The following FMN1 variants were observed in gnomAD, a reference collection of about 807,000 sequenced individuals.
FMN1 encodes formin 1, also known as formin-1.
FMN1 carries 110 observed loss-of-function variants against 132.4 expected under a neutral mutation model. That is an observed-to-expected ratio of 0.83 (90% CI 0.71 to 0.97). FMN1 has a LOEUF of 0.97. Ranked by LOEUF, FMN1 falls within the 50% of genes least tolerant of loss-of-function variation. The pLI is 0.00. For synonymous variants in FMN1, 722 were observed against 651.7 expected (o/e 1.11, Z -1.64); for missense variants, 1,792 against 1,705.3 (o/e 1.05, Z -0.90).
At chr15:32,974,560 T>A (rs1463504661) in intron 7 of FMN1, among the ~76,000 whole-genome samples, 1 of 152,146 alleles carries the variant, frequency 6.6e-6, no homozygotes, top group Non-Finnish European at 1.5e-5. Flanking sequence ...CTGCTCCCAT[T>A]AGAATCACCT....
intron 7 of FMN1, among the ~76,000 whole-genome samples, chr15:33,005,896 T>TC (rs560633010): frequency 1.3e-5 from 2 of 152,172 alleles, no homozygotes; most frequent in Non-Finnish European, 2.9e-5. Flanking sequence ...GATAAGGGCC[T>TC]CCCTCCTCTC....
chr15:33,078,242 C>G (rs1192812052), intron 5 of FMN1, among the ~76,000 whole-genome samples: 1 of 152,172 alleles, frequency 6.6e-6, no homozygotes, highest in African/African-American at 2.4e-5. Flanking sequence ...TGCTAATATT[C>G]TTAACCAAGT....
chr15:32,777,338 G>C (rs2056450959), intron 19 of FMN1, among the ~76,000 whole-genome samples: 2 of 151,630 alleles, frequency 1.3e-5, no homozygotes, highest in Admixed American at 1.3e-4. Flanking sequence ...CATCAATTAA[G>C]ATGTGATAAC....
At chr15:32,988,403 C>T (rs2033218603) in intron 7 of FMN1, among the ~76,000 whole-genome samples, 1 of 152,132 alleles carries the variant, frequency 6.6e-6, no homozygotes, top group Admixed American at 6.5e-5. Flanking sequence ...ACATTCGTAA[C>T]AGAAGCGTGT....
At chr15:32,948,377 G>A (rs917341243) in intron 9 of FMN1, among the ~76,000 whole-genome samples, 28 of 151,790 alleles carry the variant, frequency 1.8e-4, no homozygotes, top group African/African-American at 5.3e-4. Context: ...TTGTCCTGTA[G>A]TTTCTTTTAC....
chr15:33,112,422 TTTAA>T (rs1410494737), intron 4 of FMN1, among the ~76,000 whole-genome samples: 1 of 152,178 alleles, frequency 6.6e-6, no homozygotes, highest in Non-Finnish European at 1.5e-5. Flanking sequence ...ACATAATTCT[TTTAA>T]TTAAGAAAAG....
chr15:33,030,457 GT>G (rs2035884895), intron 6 of FMN1, among the ~76,000 whole-genome samples: 1 of 152,222 alleles, frequency 6.6e-6, no homozygotes, highest in South Asian at 2.1e-4. Flanking sequence ...ACTTACTGAA[GT>G]TTTGTGTTAA....
At chr15:33,080,510 T>A (rs1045892308) in intron 5 of FMN1, among the ~76,000 whole-genome samples, 17 of 152,332 alleles carry the variant, frequency 1.1e-4, no homozygotes, top group African/African-American at 4.1e-4. Context: ...CCCAGAACTT[T>A]GTGAGGCCAA....
chr15:32,943,448 G>A (rs1425810750), intron 9 of FMN1, among the ~76,000 whole-genome samples: 1 of 152,208 alleles, frequency 6.6e-6, no homozygotes, highest in Non-Finnish European at 1.5e-5. Flanking sequence ...AGGCTGGTTG[G>A]TAAAAAGTAG....
chr15:33,080,213 G>T (rs563759700), intron 5 of FMN1, among the ~76,000 whole-genome samples: 1 of 152,082 alleles, frequency 6.6e-6, no homozygotes, highest in Non-Finnish European at 1.5e-5. Flanking sequence ...ACAAAAATGC[G>T]GCCCTCTCCA....
chr15:32,798,269 C>T (rs138696982), intron 19 of FMN1, among the ~76,000 whole-genome samples: 7 of 151,820 alleles, frequency 4.6e-5, no homozygotes, highest in African/African-American at 1.2e-4. Flanking sequence ...CTAATAAAAT[C>T]GGGGGCTGCA....
chr15:32,788,972 A>G (rs1000009486), intron 19 of FMN1, among the ~76,000 whole-genome samples: 1 of 152,236 alleles, frequency 6.6e-6, no homozygotes, highest in Non-Finnish European at 1.5e-5. Flanking sequence ...AAAGCAACCC[A>G]TATGGGATAC....
intron 5 of FMN1, among the ~76,000 whole-genome samples, chr15:33,069,993 C>CTTTG (rs2037927112): frequency 1.3e-5 from 1 of 74,292 alleles, no homozygotes; most frequent in Admixed American, 1.9e-4. Flanking sequence ...CAGTCTTTCT[C>CTTTG]TTTTTTTTTT....
intron 2 of FMN1, among the ~76,000 whole-genome samples, chr15:33,185,677 A>G (rs1354624934): frequency 1.4e-5 from 2 of 147,282 alleles, no homozygotes; most frequent in Non-Finnish European, 3.0e-5. Flanking sequence ...GGTTCAAGCG[A>G]TTCTCCTGCC....
intron 4 of FMN1, among the ~76,000 whole-genome samples, chr15:33,115,382 G>C (rs1018193470): frequency 2.0e-5 from 3 of 152,088 alleles, no homozygotes; most frequent in Admixed American, 1.3e-4. Flanking sequence ...TAAGAAGATG[G>C]CATATTTTCA....
chr15:32,942,106 G>A (rs1447601746), intron 9 of FMN1, among the ~76,000 whole-genome samples: 19 of 152,204 alleles, frequency 1.2e-4, no homozygotes, highest in Admixed American at 1.2e-3. Context: ...CCACATGCCA[G>A]GATTAGGGCA....
intron 6 of FMN1, among the ~76,000 whole-genome samples, chr15:33,018,544 C>G (rs1037072507): frequency 1.3e-5 from 2 of 152,154 alleles, no homozygotes; most frequent in African/African-American, 4.8e-5. Flanking sequence ...CGAAAAGGTT[C>G]CCAGAGGGTG....
In FMN1 at chr15:32,968,767, G is replaced by C. The variant is rs1401956572; in HGVS notation, c.2934C>G (p.Pro978=). The C allele has an allele frequency of 6.2e-7, 1 of 1,613,404 alleles. No homozygotes were observed. The highest frequency in any genetic ancestry group is 1.1e-5 in the South Asian group (1 of 91,012). The change falls in exon 8 of 21, where the codon CCC becomes CCG. Residue 978 remains proline, a synonymous_variant. Transcript: ENST00000616417. ...AATATAAAGGCTTCATGGGACAACT[G>C]GGCTCGATGGCTGGTTTTCGAGGAC... ...SQCPRKPAIE[P]SCPMKPLYWT...
chr15:33,093,481 A>G (rs970875561), intron 4 of FMN1, among the ~76,000 whole-genome samples: 1 of 152,236 alleles, frequency 6.6e-6, no homozygotes, highest in Non-Finnish European at 1.5e-5. Context: ...TCTGTATCTA[A>G]GAAGACAGAG....
Sources: gnomAD v4.1 joint callset for allele counts (sites outside exome capture counted in the v4.1 genomes callset) on GRCh38, gnomAD v4.1.1 for gene constraint, MANE v1.5 for transcripts, NCBI Gene and HGNC (gene_info 2026-07-23, HGNC 2026-07-21) for gene names.